The following BMP5 variants were observed in gnomAD, a reference collection of about 807,000 sequenced individuals.
BMP5 encodes bone morphogenetic protein 5.
BMP5 carries 23 observed loss-of-function variants against 46.6 expected under a neutral mutation model. The observed-to-expected ratio is 0.49, with a 90% CI of 0.35 to 0.70. The LOEUF (loss-of-function observed/expected upper bound fraction) is 0.70. BMP5 is among the 30% of genes least tolerant of loss of function. The probability of loss-of-function intolerance (pLI) is 0.00; values close to 1 mark genes in which losing one functional copy is unlikely to be tolerated. For synonymous variants in BMP5, 204 were observed against 191.9 expected (o/e 1.06, Z -0.52); for missense variants, 545 against 565.6 (o/e 0.96, Z 0.37).
chr6:55,792,034 T>G (rs1775582748), intron 3 of BMP5, among the ~76,000 whole-genome samples: 1 of 152,188 alleles, frequency 6.6e-6, no homozygotes, highest in African/African-American at 2.4e-5. Context: ...CAGTCTACAT[T>G]TATAATGCTT....
At chr6:55,788,367 T>C (rs1775497798) in intron 3 of BMP5, among the ~76,000 whole-genome samples, 2 of 151,830 alleles carry the variant, frequency 1.3e-5, no homozygotes, top group Non-Finnish European at 3.0e-5. Context: ...TAGTAATTAT[T>C]TTATCAATCA....
chr6:55,778,563 A>C (rs1189305703), intron 3 of BMP5, among the ~76,000 whole-genome samples: 1 of 152,046 alleles, frequency 6.6e-6, no homozygotes, highest in Admixed American at 6.6e-5. Context: ...AACAAAAAAC[A>C]AACAAAAATA....
At chr6:55,808,227 G>A (rs1776039427) in intron 2 of BMP5, among the ~76,000 whole-genome samples, 7 of 152,128 alleles carry the variant, frequency 4.6e-5, no homozygotes, top group Admixed American at 4.6e-4. Flanking sequence ...AGGAGGGATG[G>A]GTCAAGGTCA....
At chr6:55,853,587 T>A (rs144298107) in intron 1 of BMP5, among the ~76,000 whole-genome samples, 2 of 152,338 alleles carry the variant, frequency 1.3e-5, no homozygotes, top group Non-Finnish European at 2.9e-5. Flanking sequence ...CTAAACAGTG[T>A]CAATGACAAA....
At chr6:55,785,795 T>TAAA (rs1775434009) in intron 3 of BMP5, among the ~76,000 whole-genome samples, 1 of 151,638 alleles carries the variant, frequency 6.6e-6, no homozygotes, top group African/African-American at 2.4e-5. Context: ...CATAGATAAT[T>TAAA]TATGTTTTGA....
rs764904536 is a variant in BMP5 at position 55,819,675 on chromosome 6, G to A, written c.663C>T (p.Ile221=). Residue 221 remains isoleucine, a synonymous_variant, in exon 2 of 7, where the codon ATC becomes ATT. Transcript: ENST00000370830. ...TATACCTATTTGTGTATTCCTTGAT[G>A]ATTTGATATATGCTAATCTTAATTG... The part of the protein sequence containing the change: ...NETIKISIYQ[I]IKEYTNRDAD... 1 of 1,612,258 alleles carries A rather than the reference G, an allele frequency of 6.2e-7. No individual in the cohort carries two copies. The highest frequency in any genetic ancestry group is 1.3e-5 in the African/African-American group (1 of 74,882).
At chr6:55,779,787 T>A (rs1775263150) in intron 3 of BMP5, among the ~76,000 whole-genome samples, 1 of 152,030 alleles carries the variant, frequency 6.6e-6, no homozygotes, top group African/African-American at 2.4e-5. Flanking sequence ...GTTGCCAGAG[T>A]TAAGTATACA....
At chr6:55,768,897 G>A (rs768255599) in intron 4 of BMP5, among the ~76,000 whole-genome samples, 1 of 151,930 alleles carries the variant, frequency 6.6e-6, no homozygotes, top group Non-Finnish European at 1.5e-5. Context: ...TGGTTTCCCA[G>A]TGCATGTAAA....
intron 6 of BMP5, 40 bp from the exon 7 acceptor site, chr6:55,755,722 A>G (rs753915888): frequency 7.7e-5 from 122 of 1,574,794 alleles, no homozygotes; most frequent in Admixed American, 3.5e-4. Context: ...AAGAAATAAA[A>G]TATACATTCT....
At chr6:55,856,958 T>A (rs1352308056) in intron 1 of BMP5, among the ~76,000 whole-genome samples, 1 of 152,208 alleles carries the variant, frequency 6.6e-6, no homozygotes, top group African/African-American at 2.4e-5. Context: ...TTTCTAATCA[T>A]CTTTACCTTA....
chr6:55,754,033 C>T lies in BMP5; in HGVS notation c.*1500G>A, dbSNP rs908871833. On this transcript the variant is annotated 3_prime_UTR_variant, in exon 7 of 7. Coordinates refer to ENST00000370830, the MANE Select transcript of BMP5 (RefSeq NM_021073.4). ...CTTTAAGATAAACTGTATTTCAAAA[C>T]AACATTTTAATATACCCGAATTACA... is the stretch of plus-strand genomic sequence containing the variant. 2.0e-5 allele frequency: 3 copies of T among 151,772 alleles called. No homozygotes were observed. Among genetic ancestry groups the T allele is most frequent in the African/African-American group, 7.2e-5 (3 of 41,386 alleles). The allele number at this position is 151,772 out of a possible 1,614,324, so 9.4% of individuals were successfully genotyped here.
At chr6:55,830,018 C>T (rs2127541903) in intron 1 of BMP5, among the ~76,000 whole-genome samples, 1 of 152,022 alleles carries the variant, frequency 6.6e-6, no homozygotes, top group South Asian at 2.1e-4. Flanking sequence ...GTTAGGACTG[C>T]TATTATATGT....
chr6:55,833,941 A>G lies in BMP5; in HGVS notation c.491-14094T>C, dbSNP rs1052885981. Among the ~76,000 whole-genome samples, 11 of 152,326 alleles carry G rather than the reference A, an allele frequency of 7.2e-5. 1 individual carries two copies. The highest frequency in any genetic ancestry group is 2.6e-4 in the African/African-American group (11 of 41,588). ...ATTTTAATAACAGTTATGAGATATTATGCAAAAATCTATAATTTCATTTAA... is the reference window on the plus strand; with the variant it reads ...ATTTTAATAACAGTTATGAGATATTGTGCAAAAATCTATAATTTCATTTAA... On this transcript the variant is annotated intron_variant, in intron 1 of 6. Coordinates refer to ENST00000370830, the MANE Select transcript of BMP5 (RefSeq NM_021073.4).
chr6:55,755,302 T>C lies in BMP5; in HGVS notation c.*231A>G, dbSNP rs1774556996. On this transcript the variant is annotated 3_prime_UTR_variant, in exon 7 of 7. Transcript: ENST00000370830. ...TTGAAAATTATACTAGATGATCTAT[T>C]GTATAATGTAGTGGCCTATGAAATA... 6 of 423,120 alleles carry C rather than the reference T, an allele frequency of 1.4e-5. No homozygotes were observed. The highest frequency in any genetic ancestry group is 1.2e-4 in the East Asian group (3 of 24,214). The allele number at this position is 423,120 out of a possible 1,614,324, so 26.2% of individuals were successfully genotyped here.
intron 2 of BMP5, among the ~76,000 whole-genome samples, chr6:55,813,051 A>T (rs894924739): frequency 1.3e-4 from 20 of 152,154 alleles, no homozygotes; most frequent in African/African-American, 4.6e-4. Flanking sequence ...AAAAGATACT[A>T]TTTATCTTCA....
At chr6:55,796,448 A>G (rs1381666700) in intron 2 of BMP5, among the ~76,000 whole-genome samples, 1 of 151,916 alleles carries the variant, frequency 6.6e-6, no homozygotes, top group African/African-American at 2.4e-5. Context: ...AGACAGTTCC[A>G]GTTTAAATGT....
intron 1 of BMP5, among the ~76,000 whole-genome samples, chr6:55,862,612 C>G (rs572221413): frequency 1.3e-5 from 2 of 152,270 alleles, no homozygotes; most frequent in Non-Finnish European, 1.5e-5. Flanking sequence ...ATTGAATGCT[C>G]TTGTATCCTT....
At chr6:55,788,240 C>T (rs1057168610) in intron 3 of BMP5, among the ~76,000 whole-genome samples, 1 of 151,556 alleles carries the variant, frequency 6.6e-6, no homozygotes, top group African/African-American at 2.4e-5. Flanking sequence ...GCTTGTTTCC[C>T]TTATTTTCAT....
intron 3 of BMP5, 85 bp from the exon 4 acceptor site, chr6:55,774,328 A>G (rs1775120340): frequency 7.5e-7 from 1 of 1,333,502 alleles, no homozygotes; most frequent in South Asian, 1.2e-5. Context: ...TACTTTGAAA[A>G]GGGGAAAAGT....
Sources: gnomAD v4.1 joint callset for allele counts (sites outside exome capture counted in the v4.1 genomes callset) on GRCh38, gnomAD v4.1.1 for gene constraint, MANE v1.5 for transcripts, NCBI Gene and HGNC (gene_info 2026-07-23, HGNC 2026-07-21) for gene names.